The following RNF169 variants were observed in gnomAD, a reference collection of about 807,000 sequenced individuals.
RNF169 encodes E3 ubiquitin-protein ligase RNF169.
RNF169 carries 24 observed loss-of-function variants against 53.9 expected under a neutral mutation model. The observed-to-expected ratio is 0.45, with a 90% CI of 0.32 to 0.63. RNF169 has a LOEUF of 0.63. Ranked by LOEUF, RNF169 falls within the 20% of genes least tolerant of loss-of-function variation. RNF169 has a pLI of 0.04. For synonymous variants in RNF169, 396 were observed against 363.5 expected (o/e 1.09, Z -1.02); for missense variants, 883 against 906.2 (o/e 0.97, Z 0.33).
chr11:74,760,211 A>G (rs2035058871), intron 1 of RNF169, among the ~76,000 whole-genome samples: 2 of 150,472 alleles, frequency 1.3e-5, no homozygotes, highest in East Asian at 2.0e-4. Context: ...TTTTTTCTTT[A>G]TTAGTCTTGC....
chr11:74,799,616 TAAC>T (rs879907252), intron 2 of RNF169, among the ~76,000 whole-genome samples: 2 of 152,196 alleles, frequency 1.3e-5, no homozygotes, highest in Non-Finnish European at 2.9e-5. Context: ...TAAAATCACT[TAAC>T]TACTACTTGG....
In RNF169 at chr11:74,840,896, G is replaced by A. The variant is rs544797599; in HGVS notation, c.*4166G>A. The A allele has an allele frequency of 1.3e-5, 2 of 149,358 alleles. No homozygotes were observed. The highest frequency in any genetic ancestry group is 3.0e-5 in the Non-Finnish European group (2 of 67,736). The allele number at this position is 149,358 out of a possible 1,614,324, so 9.3% of individuals were successfully genotyped here. A position where few individuals can be genotyped will look rare whatever the true frequency, so the allele number is the denominator to read the frequency against. On this transcript the variant is annotated 3_prime_UTR_variant, in exon 6 of 6. Transcript: ENST00000299563. Reference sequence around the variant, plus strand: ...TAATCATTAAAGTTTGACACACGCAGACACACGCACCAATGATGGGGATAC... The same window carrying A: ...TAATCATTAAAGTTTGACACACGCAAACACACGCACCAATGATGGGGATAC...
rs868809637 is a variant in RNF169, at chr11:74,785,621, C to T, written c.503-4005C>T. Reference sequence around the variant, plus strand: ...TCTATGTAATTTTTGAGCTTTTGGGCACGGTGTCATTTAATATAGCACAGT... The same window carrying T: ...TCTATGTAATTTTTGAGCTTTTGGGTACGGTGTCATTTAATATAGCACAGT... On this transcript the variant is annotated intron_variant, in intron 1 of 5. Coordinates refer to ENST00000299563, the MANE Select transcript of RNF169 (RefSeq NM_001098638.2). 6.6e-5 allele frequency among the ~76,000 whole-genome samples: 10 copies of T among 152,084 alleles called. 1 individual carries two copies. The South Asian group carries it at 1.5e-3, about 22-fold the overall frequency.
At chr11:74,774,920 C>T (rs548484826) in intron 1 of RNF169, among the ~76,000 whole-genome samples, 3 of 152,242 alleles carry the variant, frequency 2.0e-5, no homozygotes, top group South Asian at 4.1e-4. Context: ...CAGAGGGAGA[C>T]TCCATCTCAA....
intron 1 of RNF169, among the ~76,000 whole-genome samples, chr11:74,767,691 TC>T (rs2035195410): frequency 6.6e-6 from 1 of 151,906 alleles, no homozygotes; most frequent in African/African-American, 2.4e-5. Flanking sequence ...TGCCTCAGCC[TC>T]CCGAATAGCT....
chr11:74,749,665 G>A (rs2034856321), intron 1 of RNF169, among the ~76,000 whole-genome samples: 1 of 152,220 alleles, frequency 6.6e-6, no homozygotes, highest in South Asian at 2.1e-4. Flanking sequence ...TTAGGGGCAG[G>A]TTGGAATTGG....
intron 1 of RNF169, among the ~76,000 whole-genome samples, chr11:74,755,381 G>C (rs912862539): frequency 6.6e-6 from 1 of 152,198 alleles, no homozygotes; most frequent in Non-Finnish European, 1.5e-5. Flanking sequence ...TCCTGAAAGA[G>C]TTGCCTACCT....
At chr11:74,769,327 T>C (rs2035224647) in intron 1 of RNF169, among the ~76,000 whole-genome samples, 1 of 152,210 alleles carries the variant, frequency 6.6e-6, no homozygotes, top group African/African-American at 2.4e-5. Context: ...GCCATCAGAC[T>C]GCTATAATTT....
intron 3 of RNF169, among the ~76,000 whole-genome samples, chr11:74,814,380 C>CTTTTT (rs35427771): frequency 2.1e-5 from 2 of 96,228 alleles, no homozygotes; most frequent in Non-Finnish European, 3.9e-5. Flanking sequence ...TCTTTCTTGC[C>CTTTTT]TTTTTTTTTT....
chr11:74,803,812 G>T (rs149539209), intron 2 of RNF169, among the ~76,000 whole-genome samples: 1 of 152,284 alleles, frequency 6.6e-6, no homozygotes, highest in East Asian at 1.9e-4. Flanking sequence ...CAATTATGAA[G>T]ATAAATATTA....
At chr11:74,784,893 G>A (rs1285327807) in intron 1 of RNF169, among the ~76,000 whole-genome samples, 1 of 152,150 alleles carries the variant, frequency 6.6e-6, no homozygotes, top group South Asian at 2.1e-4. Context: ...AGACAGGCCT[G>A]CTGTGTCAAC....
chr11:74,807,165 T>C (rs986501603), intron 2 of RNF169, among the ~76,000 whole-genome samples: 16 of 152,220 alleles, frequency 1.1e-4, no homozygotes, highest in African/African-American at 3.6e-4. Context: ...TTTAGCTCTA[T>C]GGCTTTTCTG....
At position 74,840,486 on chromosome 11, in the gene RNF169, C is replaced by T. The variant is rs1400038327; in HGVS notation, c.*3756C>T. On this transcript the variant is annotated 3_prime_UTR_variant, in exon 6 of 6. Transcript: ENST00000299563. ...TAGTGATTACAGGACATTAACATCT[C>T]TTCAGAAGCTGCTTTTAGCTTAAGC... is the stretch of plus-strand genomic sequence containing the variant. The T allele has an allele frequency of 6.6e-6, 1 of 152,186 alleles. No individual in the cohort carries two copies. Among genetic ancestry groups the T allele is most frequent in the Non-Finnish European group, 1.5e-5 (1 of 68,042 alleles). 9.4% of individuals were successfully genotyped at this position (152,186 alleles called of 1,614,324 possible). A position where few individuals can be genotyped will look rare whatever the true frequency, so the allele number is the denominator to read the frequency against.
At chr11:74,787,894 C>A (rs905276114) in intron 1 of RNF169, among the ~76,000 whole-genome samples, 5 of 152,094 alleles carry the variant, frequency 3.3e-5, no homozygotes, top group Non-Finnish European at 7.4e-5. Context: ...TTAAACTCAC[C>A]TTGTTGCCTG....
At chr11:74,785,068 C>T (rs507620) in intron 1 of RNF169, among the ~76,000 whole-genome samples, 39,534 of 150,012 alleles carry the variant, frequency 0.26, 5,443 homozygotes, top group South Asian at 0.42. Flanking sequence ...TGTGCTCTTC[C>T]GCATTCCTAT....
rs1262109104 is a variant in RNF169 at position 74,839,661 on chromosome 11, G to A, written c.*2931G>A. On this transcript the variant is annotated 3_prime_UTR_variant, in exon 6 of 6. Transcript: ENST00000299563. ...TATTAAAGGGGAAGTTAGGGGGGAG[G>A]GTGAAGGTCAGTCTGAGGGGAAATC... 1 of 152,138 alleles carries A rather than the reference G, an allele frequency of 6.6e-6. No homozygotes were observed. The highest frequency in any genetic ancestry group is 1.5e-5 in the Non-Finnish European group (1 of 68,036). 9.4% of individuals were successfully genotyped at this position (152,138 alleles called of 1,614,324 possible). A position where few individuals can be genotyped will look rare whatever the true frequency, so the allele number is the denominator to read the frequency against.
intron 3 of RNF169, among the ~76,000 whole-genome samples, chr11:74,814,824 T>G (rs908029951): frequency 6.6e-6 from 1 of 152,220 alleles, no homozygotes; most frequent in African/African-American, 2.4e-5. Flanking sequence ...GGAATCCATT[T>G]GTCTCATTTT....
chr11:74,835,834 C>T lies in RNF169; in HGVS notation c.1231C>T (p.Pro411Ser). 1 of 1,614,194 alleles carries T rather than the reference C, an allele frequency of 6.2e-7. No homozygotes were observed. Among genetic ancestry groups the T allele is most frequent in the Non-Finnish European group, 8.5e-7 (1 of 1,180,040 alleles). Reference sequence around the variant, plus strand: ...AAGTCCTCTCATCATCAAATCAACTCCACGCAACCTAAACAGAAGCCTGCA... The same window carrying T: ...AAGTCCTCTCATCATCAAATCAACTTCACGCAACCTAAACAGAAGCCTGCA... ...VLSPLIIKST[P>S]RNLNRSLQKQ... Residue 411 changes from proline (P) to serine (S), a missense_variant, in exon 6 of 6, where the codon CCA (proline) becomes TCA (serine). Pro to Ser is a moderately conservative substitution (Grantham distance 74, BLOSUM62 -1). Transcript: ENST00000299563.
intron 2 of RNF169, among the ~76,000 whole-genome samples, chr11:74,799,154 A>C (rs762397271): frequency 2.6e-5 from 4 of 151,546 alleles, no homozygotes; most frequent in Non-Finnish European, 5.9e-5. Context: ...AATTGAAGAA[A>C]TGCCCACTTT....
Sources: gnomAD v4.1 joint callset for allele counts (sites outside exome capture counted in the v4.1 genomes callset) on GRCh38, gnomAD v4.1.1 for gene constraint, MANE v1.5 for transcripts, NCBI Gene and HGNC (gene_info 2026-07-23, HGNC 2026-07-21) for gene names.